The following ROR2 variants were observed in gnomAD, a reference collection of about 807,000 sequenced individuals.
ROR2 encodes tyrosine-protein kinase transmembrane receptor ROR2.
ROR2 carries 33 observed loss-of-function variants against 74.9 expected under a neutral mutation model. The observed-to-expected ratio is 0.44, with a 90% CI of 0.33 to 0.59. The LOEUF is 0.59. Among genes scored for constraint, ROR2 ranks in the 20% least tolerant of loss-of-function variants. The pLI, the probability that ROR2 is intolerant of heterozygous loss-of-function variation, is 0.02. For synonymous variants in ROR2, 586 were observed against 558.7 expected, an observed-to-expected ratio of 1.05 and a Z score of -0.69; for missense variants, 1,216 against 1,313.8, an observed-to-expected ratio of 0.93 and a Z score of 1.15.
intron 2 of ROR2, among the ~76,000 whole-genome samples, chr9:91,767,818 G>C (rs1274655809): frequency 6.6e-6 from 1 of 152,226 alleles, no homozygotes; most frequent in African/African-American, 2.4e-5. Context: ...AACCACCTAA[G>C]AGTGTTTGTA....
At chr9:91,756,576 G>A (rs1276837693) in intron 3 of ROR2, among the ~76,000 whole-genome samples, 5 of 151,792 alleles carry the variant, frequency 3.3e-5, no homozygotes, top group Non-Finnish European at 7.4e-5. Context: ...GGTCAGCCTC[G>A]GGCCCTACCT....
chr9:91,744,014 T>C (rs981851169), intron 4 of ROR2, among the ~76,000 whole-genome samples: 2 of 152,136 alleles, frequency 1.3e-5, no homozygotes, highest in Admixed American at 6.5e-5. Flanking sequence ...TAAACAGGAA[T>C]GAAGTGCTGT....
At chr9:91,799,062 G>A (rs554337261) in intron 1 of ROR2, among the ~76,000 whole-genome samples, 3 of 152,176 alleles carry the variant, frequency 2.0e-5, no homozygotes, top group East Asian at 1.9e-4. Context: ...TGCCCCTCGC[G>A]CCCTGTCACT....
chr9:91,739,490 GA>G (rs1825144779), intron 4 of ROR2, among the ~76,000 whole-genome samples: 1 of 118,720 alleles, frequency 8.4e-6, no homozygotes, highest in Non-Finnish European at 1.6e-5. Context: ...TGGGTGACAA[GA>G]GCAAGACCCT....
intron 1 of ROR2, among the ~76,000 whole-genome samples, chr9:91,847,898 G>A (rs1299192679): frequency 1.3e-5 from 2 of 152,184 alleles, no homozygotes; most frequent in Non-Finnish European, 2.9e-5. Flanking sequence ...AAGGATGCAG[G>A]AGCCAGCTTC....
Position 91,723,866 on chromosome 9 carries a change from C to T in ROR2, c.2628G>A (p.Thr876=), listed in dbSNP as rs369201767. The T allele has an allele frequency of 2.9e-5, 46 of 1,613,892 alleles. No homozygotes were observed. In the African/African-American group the frequency reaches 3.1e-4, roughly 11 times the overall value. ...SGSTSTGYVT[T]APSNTSMADR... Reference sequence around the variant, plus strand: ...CTGCCATGGATGTGTTGGAGGGGGCCGTGGTGACGTAGCCTGTGCTGGTGG... The same window carrying T: ...CTGCCATGGATGTGTTGGAGGGGGCTGTGGTGACGTAGCCTGTGCTGGTGG... Residue 876 remains threonine, a synonymous_variant, in exon 9 of 9, where the codon ACG becomes ACA. Coordinates refer to ENST00000375708, the MANE Select transcript of ROR2 (RefSeq NM_004560.4).
chr9:91,788,157 G>C (rs74934138), intron 1 of ROR2, among the ~76,000 whole-genome samples: 4,087 of 152,132 alleles, frequency 0.027, 125 homozygotes, highest in East Asian at 0.17. Context: ...GGTCAATAGA[G>C]ATTATCTAGT....
At chr9:91,726,802 C>A in intron 7 of ROR2, 59 bp from the exon 8 acceptor site, 2 of 1,546,996 alleles carry the variant, frequency 1.3e-6, no homozygotes, top group East Asian at 2.2e-5. Flanking sequence ...ACTCTAAGTT[C>A]TCTACCAACC....
At chr9:91,765,512 T>C (rs1369852009) in intron 2 of ROR2, among the ~76,000 whole-genome samples, 1 of 152,246 alleles carries the variant, frequency 6.6e-6, no homozygotes, top group African/African-American at 2.4e-5. Context: ...AAGTTTTATC[T>C]TAACTTTTTG....
At chr9:91,759,994 T>C (rs1391395549) in intron 2 of ROR2, among the ~76,000 whole-genome samples, 1 of 152,186 alleles carries the variant, frequency 6.6e-6, no homozygotes, top group Non-Finnish European at 1.5e-5. Context: ...TAATGGAGAA[T>C]AACTAGATTA....
chr9:91,939,765 G>A (rs993717950), intron 1 of ROR2, among the ~76,000 whole-genome samples: 18 of 152,116 alleles, frequency 1.2e-4, no homozygotes, highest in African/African-American at 3.9e-4. Context: ...TCCTTTCTAC[G>A]CATTAATACT....
intron 1 of ROR2, among the ~76,000 whole-genome samples, chr9:91,819,774 CTGTG>C (rs1459600814): frequency 7.3e-5 from 11 of 150,324 alleles, no homozygotes; most frequent in Admixed American, 2.7e-4. Flanking sequence ...TCTCAGTGTT[CTGTG>C]TGTATGTCTG....
At chr9:91,909,853 T>TG (rs200311118) in intron 1 of ROR2, among the ~76,000 whole-genome samples, 45 of 109,794 alleles carry the variant, frequency 4.1e-4, no homozygotes, top group East Asian at 1.2e-3. Context: ...TTTTGTTTTT[T>TG]TTTTTTTTTT....
chr9:91,756,151 A>G (rs1431353412), intron 3 of ROR2, 50 bp from the exon 4 acceptor site: 1 of 1,586,318 alleles, frequency 6.3e-7, no homozygotes, highest in Admixed American at 1.7e-5. Context: ...ATGATTTGGA[A>G]TACAACCTTC....
At chr9:91,810,224 T>C (rs555975318) in intron 1 of ROR2, among the ~76,000 whole-genome samples, 1 of 152,154 alleles carries the variant, frequency 6.6e-6, no homozygotes, top group Non-Finnish European at 1.5e-5. Flanking sequence ...TCACCAGGGC[T>C]TGGCATCGGT....
At chr9:91,920,530 A>G (rs1367814652) in intron 1 of ROR2, among the ~76,000 whole-genome samples, 4 of 152,108 alleles carry the variant, frequency 2.6e-5, no homozygotes, top group Admixed American at 2.6e-4. Flanking sequence ...CAAGTACACA[A>G]TGCTTTACCC....
intron 4 of ROR2, among the ~76,000 whole-genome samples, chr9:91,747,866 G>A (rs1825476012): frequency 6.6e-6 from 1 of 152,148 alleles, no homozygotes; most frequent in African/African-American, 2.4e-5. Context: ...GTCAAAGGAT[G>A]TCCTCGTGTG....
At chr9:91,783,600 G>T (rs1826697818) in intron 1 of ROR2, among the ~76,000 whole-genome samples, 1 of 152,110 alleles carries the variant, frequency 6.6e-6, no homozygotes, top group African/African-American at 2.4e-5. Context: ...CAGGGTTTCA[G>T]CTGCAGCTGC....
chr9:91,792,382 A>G (rs1024893782), intron 1 of ROR2, among the ~76,000 whole-genome samples: 6 of 81,400 alleles, frequency 7.4e-5, no homozygotes, highest in African/African-American at 7.3e-4. Flanking sequence ...ATCTCAGCTC[A>G]CTGCAAGCTC....
Sources: allele counts gnomAD v4.1 joint callset (sites outside exome capture counted in the v4.1 genomes callset), GRCh38; gene constraint gnomAD v4.1.1; transcripts MANE v1.5; gene names NCBI Gene and HGNC (gene_info 2026-07-23, HGNC 2026-07-21).